Variants in SAP130 observed in about 807,000 individuals in gnomAD.
SAP130 encodes the protein Sin3A associated protein 130.
SAP130 carries 16 observed loss-of-function variants against 103.2 expected under a neutral mutation model. The observed-to-expected ratio is 0.16, with a 90% CI of 0.10 to 0.24. The LOEUF (loss-of-function observed/expected upper bound fraction) is 0.24, where lower values mean the gene tolerates loss of function less well. Among genes scored for constraint, SAP130 ranks in the 10% least tolerant of loss-of-function variants. SAP130 has a pLI of 1.00. For synonymous variants in SAP130, 477 were observed against 497.0 expected (o/e 0.96, Z 0.53); for missense variants, 990 against 1,359.7 (o/e 0.73, Z 4.28).
rs1278062577 is a variant in SAP130, at chr2:127,989,102, C to CTTTT, written c.1780+458_1780+461dup. Among the ~76,000 whole-genome samples, 3 of 143,686 alleles carry CTTTT rather than the reference C, an allele frequency of 2.1e-5. No homozygotes were observed. In the East Asian group the frequency reaches 6.1e-4, roughly 29 times the overall value. The allele number at this position is 143,686 out of a possible 152,430, so 94.3% of individuals were successfully genotyped here. ...CTAGGGCTGTTGATGTATACTGTAT[C>CTTTT]TTTTTTTTTTTTTGGAGACAGAGTC... On this transcript the variant is annotated intron_variant, in intron 13 of 20. Coordinates refer to ENST00000643581, the MANE Select transcript of SAP130 (RefSeq NM_001330301.2). The surrounding 1 kb of genome is among the most constrained non-coding windows in gnomAD (Gnocchi z 4.6).
At position 127,986,985 on chromosome 2, in the gene SAP130, A is replaced by G; in HGVS notation, c.1781-23T>C. On this transcript the variant is annotated intron_variant, in intron 13 of 20. Coordinates refer to ENST00000643581, the MANE Select transcript of SAP130 (RefSeq NM_001330301.2). This position sits in a 1 kb window ranked among gnomAD's most constrained non-coding sequence, Gnocchi z 4.7. ...CTGCTACAGGAGAGAGGCAACAGGA[A>G]AGAACATTGAAGAGAGGGAAACAAA... 3 of 1,591,758 alleles carry G rather than the reference A, an allele frequency of 1.9e-6. No homozygotes were observed. Among genetic ancestry groups the G allele is most frequent in the Non-Finnish European group, 2.6e-6 (3 of 1,163,112 alleles).
At chr2:128,026,454 C>G (rs767517844) in intron 1 of SAP130, among the ~76,000 whole-genome samples, 156 bp from the exon 2 acceptor site, 1 of 152,220 alleles carries the variant, frequency 6.6e-6, no homozygotes, top group Non-Finnish European at 1.5e-5. Flanking sequence ...AATATAAATG[C>G]AGACATTATC....
intron 11 of SAP130, among the ~76,000 whole-genome samples, chr2:127,993,820 A>G (rs962321441): frequency 1.3e-5 from 2 of 152,132 alleles, no homozygotes; most frequent in Non-Finnish European, 2.9e-5. Flanking sequence ...CACCAGCACA[A>G]TCATGGTACA....
chr2:127,942,361 T>C lies in SAP130; in HGVS notation c.3015+63A>G, dbSNP rs1678771085. On this transcript the variant is annotated intron_variant, in intron 20 of 20. Coordinates refer to ENST00000643581, the MANE Select transcript of SAP130 (RefSeq NM_001330301.2). The surrounding 1 kb of genome is among the most constrained non-coding windows in gnomAD (Gnocchi z 4.8). ...GGGAGACGGGGGGAAACGGGAGAAGTAGGGCTTTACAGAAAGCAACTTCAT... is the reference window on the plus strand; with the variant it reads ...GGGAGACGGGGGGAAACGGGAGAAGCAGGGCTTTACAGAAAGCAACTTCAT... 1.0e-5 allele frequency: 13 copies of C among 1,248,628 alleles called. No homozygotes were observed. The highest frequency in any genetic ancestry group is 8.5e-5 in the Admixed American group (5 of 58,546). The allele number at this position is 1,248,628 out of a possible 1,614,324, so 77.3% of individuals were successfully genotyped here.
In SAP130 at chr2:128,016,598, G is replaced by A. The variant is rs773929003; in HGVS notation, c.349-51C>T. 3.9e-6 allele frequency: 6 copies of A among 1,550,934 alleles called. No individual in the cohort carries two copies. In the African/African-American group the frequency reaches 8.2e-5, roughly 21 times the overall value. ...ATATCAATGGCCTCATACTGGTGAT[G>A]CATTTCAATCCACAATTAAGAGTGC... On this transcript the variant is annotated intron_variant, in intron 3 of 20. Transcript: ENST00000643581.
rs372589644 is a variant in SAP130 at position 128,003,670 on chromosome 2, CA to C, written c.870-3217del. On this transcript the variant is annotated intron_variant, in intron 7 of 20. Coordinates refer to ENST00000643581, the MANE Select transcript of SAP130 (RefSeq NM_001330301.2). Reference sequence around the variant, plus strand: ...TCCATAGTGACTCACCCACACGTACCAAAAACAGTCAGAGGGAGTAAGTAAG... The same window carrying C: ...TCCATAGTGACTCACCCACACGTACCAAAACAGTCAGAGGGAGTAAGTAAG... Among the ~76,000 whole-genome samples, 15 of 151,928 alleles carry C rather than the reference CA, an allele frequency of 9.9e-5. No individual in the cohort carries two copies. The East Asian group carries it at 2.9e-3, about 30-fold the overall frequency.
chr2:127,989,719 G>C lies in SAP130; in HGVS notation c.1625C>G (p.Thr542Ser). The C allele has an allele frequency of 6.2e-7, 1 of 1,614,160 alleles. No homozygotes were observed. The highest frequency in any genetic ancestry group is 8.5e-7 in the Non-Finnish European group (1 of 1,180,026). ...AATGGGGGCCGGCTGGATACCCTGG[G>C]TACTGATGGGTGCTGGCTGGATCCC... ...IQGIQPAPIS[T>S]QGIQPAPIGT... The change falls in exon 13 of 21, where the codon ACC (threonine) becomes AGC (serine). Residue 542 changes from threonine to serine, a missense_variant. By Grantham distance (58) the Thr-to-Ser change is moderately conservative. This residue lies in a region of SAP130 where 336 missense variants were observed against 520.1 expected (regional missense o/e 0.65). Transcript: ENST00000643581. The surrounding 1 kb of genome is among the most constrained non-coding windows in gnomAD (Gnocchi z 4.6).
At chr2:128,013,533 T>C (rs1684551205) in intron 5 of SAP130, among the ~76,000 whole-genome samples, 1 of 152,148 alleles carries the variant, frequency 6.6e-6, no homozygotes, top group African/African-American at 2.4e-5. Flanking sequence ...AGGGACACAT[T>C]ATGAACCTTA....
chr2:127,981,857 G>A (rs1474308650), intron 14 of SAP130, among the ~76,000 whole-genome samples: 2 of 138,898 alleles, frequency 1.4e-5, no homozygotes, highest in African/African-American at 5.5e-5. Context: ...TCAGCTCCCC[G>A]ACCCCGACCC....
intron 15 of SAP130, among the ~76,000 whole-genome samples, chr2:127,964,153 C>T (rs761897602): frequency 1.1e-4 from 16 of 152,090 alleles, no homozygotes; most frequent in South Asian, 6.2e-4. Flanking sequence ...TGTTTCACAC[C>T]CATTGCACTC....
Position 127,989,956 on chromosome 2 carries a change from C to A in SAP130, c.1478-90G>T. 8.5e-7 allele frequency: 1 copy of A among 1,178,238 alleles called. No individual in the cohort carries two copies. Among genetic ancestry groups the A allele is most frequent in the Non-Finnish European group, 1.2e-6 (1 of 838,428 alleles). 73.0% of individuals were successfully genotyped at this position (1,178,238 alleles called of 1,614,324 possible). A position where few individuals can be genotyped will look rare whatever the true frequency, so the allele number is the denominator to read the frequency against. ...GAGAAACACTAAAAACGGATTTCCT[C>A]CACTGTATAAGATCTAAATCCATGG... On this transcript the variant is annotated intron_variant, in intron 12 of 20. Coordinates refer to ENST00000643581, the MANE Select transcript of SAP130 (RefSeq NM_001330301.2). This position sits in a 1 kb window ranked among gnomAD's most constrained non-coding sequence, Gnocchi z 4.6.
Position 127,989,690 on chromosome 2 carries a change from T to C in SAP130, c.1654A>G (p.Thr552Ala). 6.2e-7 allele frequency: 1 copy of C among 1,614,124 alleles called. No homozygotes were observed. Among genetic ancestry groups the C allele is most frequent in the Non-Finnish European group, 8.5e-7 (1 of 1,180,034 alleles). ...TQGIQPAPIG[T>A]PGIQPAPLGT... ...AGTGGTGCAGGCTGTATCCCTGGGGTCCCAATGGGGGCCGGCTGGATACCC... is the reference window on the plus strand; with the variant it reads ...AGTGGTGCAGGCTGTATCCCTGGGGCCCCAATGGGGGCCGGCTGGATACCC... Residue 552 changes from threonine (T) to alanine (A), a missense_variant, in exon 13 of 21, where the codon ACC (threonine) becomes GCC (alanine). This residue lies in a region of SAP130 where 349 missense variants were observed against 384.1 expected (regional missense o/e 0.91). Coordinates refer to ENST00000643581, the MANE Select transcript of SAP130 (RefSeq NM_001330301.2). The surrounding 1 kb of genome is among the most constrained non-coding windows in gnomAD (Gnocchi z 4.6).
At chr2:127,944,555 G>A (rs1027163988) in intron 19 of SAP130, among the ~76,000 whole-genome samples, 9 of 151,660 alleles carry the variant, frequency 5.9e-5, no homozygotes, top group Admixed American at 3.3e-4. Context: ...TCAGCCTCCC[G>A]AGTAGCTGGC....
At chr2:127,991,330 A>C (rs1164056599) in intron 12 of SAP130, among the ~76,000 whole-genome samples, 1 of 152,178 alleles carries the variant, frequency 6.6e-6, no homozygotes, top group African/African-American at 2.4e-5. Context: ...CCATTTCAAT[A>C]TGTCATTAAT....
rs1346797817 is a variant in SAP130, at chr2:127,993,568, G to A, written c.1356-260C>T. On this transcript the variant is annotated intron_variant, in intron 11 of 20. Coordinates refer to ENST00000643581, the MANE Select transcript of SAP130 (RefSeq NM_001330301.2). ...TTCTATGGGTGATTTTTGAGAGTAA[G>A]TCTGAAAACCAGTTCACAAAATCTC... Among the ~76,000 whole-genome samples the A allele has an allele frequency of 2.0e-5, 3 of 151,742 alleles. No homozygotes were observed. The East Asian group carries it at 5.8e-4, about 29-fold the overall frequency.
chr2:127,953,958 T>C lies in SAP130; in HGVS notation c.2422+1028A>G, dbSNP rs575632794. ...TGCTAGAATGTAAGACCTAAGAGGATAAAGCTGCATTTGTCTTACACAAAG... is the reference window on the plus strand; with the variant it reads ...TGCTAGAATGTAAGACCTAAGAGGACAAAGCTGCATTTGTCTTACACAAAG... On this transcript the variant is annotated intron_variant, in intron 16 of 20. Transcript: ENST00000643581. This position sits in a 1 kb window ranked among gnomAD's most constrained non-coding sequence, Gnocchi z 4.0. Among the ~76,000 whole-genome samples the C allele has an allele frequency of 4.6e-5, 7 of 152,320 alleles. No homozygotes were observed. In the East Asian group the frequency reaches 1.3e-3, roughly 29 times the overall value.
intron 2 of SAP130, 38 bp from the exon 3 acceptor site, chr2:128,017,953 T>G (rs1416805280): frequency 6.5e-7 from 1 of 1,532,396 alleles, no homozygotes; most frequent in African/African-American, 1.4e-5. Context: ...TATGTCACAG[T>G]CTCCCAGTGT....
chr2:127,993,088 ATAAT>A, intron 12 of SAP130, 95 bp downstream of exon 12: 1 of 1,371,150 alleles, frequency 7.3e-7, no homozygotes, highest in South Asian at 1.2e-5. Flanking sequence ...AGAAGCTGAA[ATAAT>A]TAATCTCATA....
chr2:127,980,278 C>T (rs765251821), intron 14 of SAP130, among the ~76,000 whole-genome samples: 4 of 152,114 alleles, frequency 2.6e-5, no homozygotes, highest in Non-Finnish European at 5.9e-5. Flanking sequence ...CCACCCCCAA[C>T]ACTGGCCAAA....
Sources: allele counts gnomAD v4.1 joint callset (sites outside exome capture counted in the v4.1 genomes callset), GRCh38; gene constraint gnomAD v4.1.1; regional missense constraint gnomAD v4.1.1; non-coding constraint Gnocchi (gnomAD v3.1); transcripts MANE v1.5; gene names NCBI Gene and HGNC (gene_info 2026-07-23, HGNC 2026-07-21).